YEATS4: variants seen among roughly 807,000 people sequenced by gnomAD.
YEATS4 encodes the protein YEATS domain-containing protein 4.
YEATS4 carries 17 observed loss-of-function variants against 30.1 expected under a neutral mutation model. The ratio of observed to expected loss-of-function variants is 0.56; its 90% CI spans 0.39 to 0.85. The LOEUF (loss-of-function observed/expected upper bound fraction) is 0.85. Ranked by LOEUF, YEATS4 falls within the 40% of genes least tolerant of loss-of-function variation. The pLI is 0.00. For missense variants in YEATS4, 142 were observed against 268.3 expected, an observed-to-expected ratio of 0.53 and a Z score of 3.29; for synonymous variants, 85 against 87.5, an observed-to-expected ratio of 0.97 and a Z score of 0.16.
intron 6 of YEATS4, among the ~76,000 whole-genome samples, chr12:69,385,473 T>C (rs1876238956): frequency 6.6e-6 from 1 of 152,206 alleles, no homozygotes; most frequent in Non-Finnish European, 1.5e-5. Flanking sequence ...TTACTATTTG[T>C]ATTCTTCTGA....
chr12:69,373,917 G>A (rs780263933), intron 6 of YEATS4, among the ~76,000 whole-genome samples: 7 of 152,036 alleles, frequency 4.6e-5, no homozygotes, highest in Non-Finnish European at 1.0e-4. Flanking sequence ...TGGCACCTTT[G>A]TCAAAAATGA....
downstream of YEATS4, among the ~76,000 whole-genome samples, chr12:69,394,889 G>C (rs985163145): frequency 6.6e-6 from 1 of 152,110 alleles, no homozygotes; most frequent in Admixed American, 6.5e-5. Flanking sequence ...GCTTGAGATA[G>C]AGTATCATTT....
At chr12:69,403,445 C>T in the YEATS4 span, among the ~76,000 whole-genome samples, 13 of 152,050 alleles carry the variant, frequency 8.5e-5, no homozygotes, top group South Asian at 2.1e-3. Context: ...GGCGTGGTAT[C>T]GCACGCCTAT....
chr12:69,372,537 G>GT lies in YEATS4; in HGVS notation c.514+1577dup, dbSNP rs71094710. On this transcript the variant is annotated intron_variant, in intron 6 of 6. Transcript: ENST00000247843. ...CTACTCTGTTTTCTGTATCTCATGA[G>GT]TTTTTTTTTTTTTTTGAGACAGAGC... Among the ~76,000 whole-genome samples the GT allele has an allele frequency of 2.4e-3, 297 of 123,030 alleles. 2 individuals carry two copies. The highest frequency in any genetic ancestry group is 9.1e-3 in the Middle Eastern group (2 of 220). The allele number at this position is 123,030 out of a possible 152,430, so 80.7% of individuals were successfully genotyped here. A position where few individuals can be genotyped will look rare whatever the true frequency, so the allele number is the denominator to read the frequency against.
chr12:69,403,926 A>G, the YEATS4 span, among the ~76,000 whole-genome samples: 1 of 151,718 alleles, frequency 6.6e-6, no homozygotes, highest in African/African-American at 2.4e-5. Context: ...CTCTTTCACC[A>G]TGATTTTTTT....
the YEATS4 span, among the ~76,000 whole-genome samples, chr12:69,406,232 T>G: frequency 6.6e-6 from 1 of 152,232 alleles, no homozygotes; most frequent in Admixed American, 6.5e-5. Context: ...TAATAATGCT[T>G]TCAACAACTG....
At chr12:69,425,005 C>A in the YEATS4 span, among the ~76,000 whole-genome samples, 37 of 152,124 alleles carry the variant, frequency 2.4e-4, no homozygotes, top group East Asian at 5.2e-3. Context: ...CCACAACCTC[C>A]GCCTCCTGGG....
chr12:69,364,310 AGTAAGATTCCAGT>A (rs1213923618), intron 2 of YEATS4: 2 of 272,896 alleles, frequency 7.3e-6, no homozygotes, highest in East Asian at 2.5e-4. Flanking sequence ...GTATCATTAT[AGTAAGATTCCAGT>A]TTATTTTTTA....
chr12:69,425,264 G>A, the YEATS4 span, among the ~76,000 whole-genome samples: 1 of 152,144 alleles, frequency 6.6e-6, no homozygotes, highest in African/African-American at 2.4e-5. Flanking sequence ...TTCATTCGGA[G>A]GCCAGAGACT....
At chr12:69,390,084 A>G (rs908255874) in intron 6 of YEATS4, 63 bp from the exon 7 acceptor site, 44 of 1,320,494 alleles carry the variant, frequency 3.3e-5, no homozygotes, top group Non-Finnish European at 4.4e-5. Context: ...CATATTTATT[A>G]CCCTGTCATA....
At chr12:69,397,275 A>G in the YEATS4 span, among the ~76,000 whole-genome samples, 1 of 152,182 alleles carries the variant, frequency 6.6e-6, no homozygotes, top group South Asian at 2.1e-4. Flanking sequence ...AGTACCTCAG[A>G]CTGTGACTGT....
At chr12:69,364,500 C>T (rs1389085990) in intron 2 of YEATS4, among the ~76,000 whole-genome samples, 1 of 152,038 alleles carries the variant, frequency 6.6e-6, no homozygotes, top group Non-Finnish European at 1.5e-5. Flanking sequence ...AACAGAAACC[C>T]TTTTATTTGC....
At chr12:69,374,331 A>G (rs1455997981) in intron 6 of YEATS4, among the ~76,000 whole-genome samples, 2 of 151,942 alleles carry the variant, frequency 1.3e-5, no homozygotes, top group African/African-American at 2.4e-5. Context: ...TTCTCATTGT[A>G]CATATCTTTC....
intron 4 of YEATS4, among the ~76,000 whole-genome samples, chr12:69,368,528 A>G (rs1173513530): frequency 6.6e-6 from 1 of 152,216 alleles, no homozygotes; most frequent in Non-Finnish European, 1.5e-5. Flanking sequence ...TCTTAATTGT[A>G]AAAGTCAGTT....
intron 6 of YEATS4, among the ~76,000 whole-genome samples, chr12:69,377,171 A>G (rs1270974755): frequency 6.6e-6 from 1 of 151,670 alleles, no homozygotes; most frequent in African/African-American, 2.4e-5. Flanking sequence ...TCTTCATTTC[A>G]ATTTTATTTA....
the YEATS4 span, among the ~76,000 whole-genome samples, chr12:69,408,539 G>A: frequency 6.6e-6 from 1 of 152,210 alleles, no homozygotes; most frequent in African/African-American, 2.4e-5. Flanking sequence ...TTGCCAGGTT[G>A]CCCTGTGAAA....
chr12:69,417,523 G>A, the YEATS4 span, among the ~76,000 whole-genome samples: 60 of 152,224 alleles, frequency 3.9e-4, 3 homozygotes, highest in South Asian at 3.9e-3. Flanking sequence ...AGATGAGAAC[G>A]TATGACCGAT....
chr12:69,402,706 A>G, the YEATS4 span, among the ~76,000 whole-genome samples: 1 of 138,408 alleles, frequency 7.2e-6, no homozygotes, highest in South Asian at 2.4e-4. Context: ...TTCCTTTGCT[A>G]TTTTTCTTTC....
intron 2 of YEATS4, chr12:69,364,298 A>T (rs574912333): frequency 2.0e-5 from 6 of 306,890 alleles, no homozygotes; most frequent in Admixed American, 1.3e-4. Flanking sequence ...CAGAAAAAAA[A>T]GGTATCATTA....
Sources: gnomAD v4.1 joint callset for allele counts (sites outside exome capture counted in the v4.1 genomes callset) on GRCh38, gnomAD v4.1.1 for gene constraint, MANE v1.5 for transcripts, NCBI Gene and HGNC (gene_info 2026-07-23, HGNC 2026-07-21) for gene names.